The following DMD variants were observed in gnomAD, a reference collection of about 807,000 sequenced individuals.
DMD encodes the protein mutant dystrophin.
A neutral mutation model predicts 330.1 loss-of-function variants in DMD; 63 were observed. The observed-to-expected ratio is 0.19, with a 90% CI of 0.16 to 0.24. The LOEUF is 0.24. Among genes scored for constraint, DMD ranks in the 10% least tolerant of loss-of-function variants. The pLI is 1.00. For synonymous variants in DMD, 1,223 were observed against 959.8 expected, an observed-to-expected ratio of 1.27 and a Z score of -5.07; for missense variants, 3,344 against 2,684.1, an observed-to-expected ratio of 1.25 and a Z score of -5.43.
chrX:31,407,000 T>C (rs2061424094), intron 60 of DMD, among the ~76,000 whole-genome samples: 1 of 111,840 alleles, frequency 8.9e-6, no homozygotes, highest in Non-Finnish European at 1.9e-5. Context: ...GCCATCATCA[T>C]AGAAATCCAT....
intron 67 of DMD, among the ~76,000 whole-genome samples, chrX:31,190,711 G>T (rs2042257631): frequency 9.8e-6 from 1 of 102,528 alleles, no homozygotes; most frequent in South Asian, 4.8e-4. Context: ...CCACAACAAA[G>T]AACTAGAATG....
intron 2 of DMD, among the ~76,000 whole-genome samples, chrX:32,867,873 T>C (rs2082635150): frequency 9.0e-6 from 1 of 111,391 alleles, no homozygotes; most frequent in Non-Finnish European, 1.9e-5. Flanking sequence ...TAGACTGTAA[T>C]ATCCAATATG....
chrX:31,136,104 G>A (rs900806900), intron 76 of DMD, among the ~76,000 whole-genome samples: 2 of 110,617 alleles, frequency 1.8e-5, no homozygotes, highest in East Asian at 5.6e-4. Flanking sequence ...TTATTAGAAT[G>A]GAGGGATAAG....
chrX:31,308,270 T>C (rs1032369065), intron 62 of DMD, among the ~76,000 whole-genome samples: 36 of 112,286 alleles, frequency 3.2e-4, no homozygotes, highest in African/African-American at 1.1e-3. Context: ...GGTGTTTTCC[T>C]AAGATATTCT....
chrX:32,815,520 T>TATATATATATACACACAC, intron 6 of DMD, among the ~76,000 whole-genome samples: 5 of 78,920 alleles, frequency 6.3e-5, no homozygotes, highest in African/African-American at 2.1e-4. Context: ...TATATATATA[T>TATATATATATACACACAC]ACACACACAC....
intron 43 of DMD, among the ~76,000 whole-genome samples, chrX:32,220,242 A>G (rs2097127705): frequency 9.0e-6 from 1 of 111,484 alleles, no homozygotes; most frequent in South Asian, 3.8e-4. Context: ...GTATAATCCA[A>G]ACTTTTGCAT....
intron 55 of DMD, among the ~76,000 whole-genome samples, chrX:31,600,660 A>T (rs757058845): frequency 1.9e-5 from 2 of 107,942 alleles, no homozygotes; most frequent in African/African-American, 6.7e-5. Context: ...GGAGAGGACT[A>T]GCAAACCACT....
intron 67 of DMD, among the ~76,000 whole-genome samples, chrX:31,195,908 G>A (rs1032748291): frequency 1.8e-5 from 2 of 111,628 alleles, no homozygotes; most frequent in Admixed American, 1.9e-4. Context: ...ACAATGAAGT[G>A]CTACTTTAGA....
intron 45 of DMD, among the ~76,000 whole-genome samples, chrX:31,965,755 A>G (rs954959863): frequency 3.6e-5 from 4 of 111,649 alleles, no homozygotes; most frequent in Non-Finnish European, 7.5e-5. Flanking sequence ...CATTAAACTC[A>G]TTATTATCAT....
chrX:32,013,093 C>CTT (rs754162660), intron 44 of DMD, among the ~76,000 whole-genome samples: 1 of 61,198 alleles, frequency 1.6e-5, no homozygotes, highest in South Asian at 9.6e-4. Flanking sequence ...CTTTTCTTTC[C>CTT]TTTTTTTTTT....
At position 31,120,866 on chromosome X, in the gene DMD, T is replaced by G. The variant is rs866082526; in HGVS notation, c.*1053A>C. The G allele has an allele frequency of 9.3e-6, 1 of 108,091 alleles. No individual in the cohort carries two copies. Among genetic ancestry groups the G allele is most frequent in the Non-Finnish European group, 1.9e-5 (1 of 52,715 alleles). The allele number at this position is 108,091 out of a possible 1,213,427, so 8.9% of individuals were successfully genotyped here. ...ATTGCTAGCAGCAGGAAGCTGAATG[T>G]ATCAATCAATCAATCAATCAACCAA... is the stretch of plus-strand genomic sequence containing the variant. On this transcript the variant is annotated 3_prime_UTR_variant, in exon 79 of 79. Transcript: ENST00000357033.
chrX:31,743,319 G>A (rs1039299359), intron 51 of DMD, among the ~76,000 whole-genome samples: 10 of 112,368 alleles, frequency 8.9e-5, no homozygotes, highest in Non-Finnish European at 1.3e-4. Flanking sequence ...CACAACTATC[G>A]TTCAACCTAG....
Position 31,198,719 on chromosome X carries a change from G to A in DMD, c.9807+5242C>T, listed in dbSNP as rs144150751. 9.4e-3 allele frequency among the ~76,000 whole-genome samples: 1,049 copies of A among 111,815 alleles called. 15 individuals carry two copies. The highest frequency in any genetic ancestry group is 0.032 in the African/African-American group (985 of 30,766). On this transcript the variant is annotated intron_variant, in intron 67 of 78. Coordinates refer to ENST00000357033, the MANE Select transcript of DMD (RefSeq NM_004006.3). Reference sequence around the variant, plus strand: ...CAGTTCCATTATAATCTCTTCTTACGTTGATCTTATGGGACCACCATAGTA... The same window carrying A: ...CAGTTCCATTATAATCTCTTCTTACATTGATCTTATGGGACCACCATAGTA...
chrX:32,006,416 T>C (rs1200783001), intron 44 of DMD, among the ~76,000 whole-genome samples: 1 of 111,903 alleles, frequency 8.9e-6, no homozygotes, highest in Non-Finnish European at 1.9e-5. Flanking sequence ...AAAATAGTTA[T>C]TCCAAGTCTA....
At chrX:32,285,563 G>T (rs1324491554) in intron 43 of DMD, among the ~76,000 whole-genome samples, 1 of 111,673 alleles carries the variant, frequency 9.0e-6, no homozygotes, top group East Asian at 2.8e-4. Context: ...ACAGGCATGA[G>T]CCACCATTTT....
chrX:31,531,686 T>C (rs1166582558), intron 55 of DMD, among the ~76,000 whole-genome samples: 2 of 108,684 alleles, frequency 1.8e-5, no homozygotes, highest in Middle Eastern at 4.7e-3. Context: ...TTTAATTAGA[T>C]CCCATTTGTC....
chrX:32,429,387 GTTTTTTTTTTTT>G (rs10692022), intron 29 of DMD, among the ~76,000 whole-genome samples: 1 of 44,197 alleles, frequency 2.3e-5, no homozygotes, highest in Non-Finnish European at 3.5e-5. Flanking sequence ...TTTTTTTTGG[GTTTTTTTTTTTT>G]TTTTTTTTTT....
chrX:32,349,580 A>G (rs1201867145), intron 37 of DMD, among the ~76,000 whole-genome samples: 1 of 111,425 alleles, frequency 9.0e-6, no homozygotes, highest in Non-Finnish European at 1.9e-5. Flanking sequence ...AAGAGGTTGA[A>G]TTTTTATTAG....
chrX:32,371,223 T>C (rs1047601262), intron 34 of DMD, among the ~76,000 whole-genome samples: 4 of 111,950 alleles, frequency 3.6e-5, no homozygotes, highest in African/African-American at 1.3e-4. Flanking sequence ...AAAACTTTGT[T>C]TCCAAAATAA....
Sources: allele counts gnomAD v4.1 joint callset (sites outside exome capture counted in the v4.1 genomes callset), GRCh38; gene constraint gnomAD v4.1.1; transcripts MANE v1.5; gene names NCBI Gene and HGNC (gene_info 2026-07-23, HGNC 2026-07-21).